Variants in CSGALNACT1 observed in about 807,000 individuals in gnomAD.
The protein encoded by CSGALNACT1 is beta4GalNAcT-1.
A neutral mutation model predicts 51.0 loss-of-function variants in CSGALNACT1; 52 were observed. The observed-to-expected ratio is 1.02, with a 90% CI of 0.82 to 1.29. The LOEUF is 1.29. Among genes scored for constraint, CSGALNACT1 ranks in the 50% most tolerant of loss-of-function variants. The probability of loss-of-function intolerance (pLI) is 0.00; values close to 1 mark genes in which losing one functional copy is unlikely to be tolerated. For synonymous variants in CSGALNACT1, 341 were observed against 254.4 expected (o/e 1.34, Z -3.24); for missense variants, 935 against 679.2 (o/e 1.38, Z -4.19).
At chr8:19,622,896 A>T (rs2053996959) in intron 1 of CSGALNACT1, among the ~76,000 whole-genome samples, 1 of 152,196 alleles carries the variant, frequency 6.6e-6, no homozygotes, top group Non-Finnish European at 1.5e-5. Context: ...TTAAAGGCCA[A>T]TAGATACCCC....
intron 8 of CSGALNACT1, among the ~76,000 whole-genome samples, chr8:19,415,912 G>C (rs752602496): frequency 6.6e-6 from 1 of 152,128 alleles, no homozygotes; most frequent in Non-Finnish European, 1.5e-5. Flanking sequence ...GTAAGCATAA[G>C]CAATTGTAAC....
intron 1 of CSGALNACT1, among the ~76,000 whole-genome samples, chr8:19,687,788 G>T (rs2154213026): frequency 6.6e-6 from 1 of 152,260 alleles, no homozygotes; most frequent in East Asian, 1.9e-4. Context: ...TACAACTGTA[G>T]ATCATGAAGC....
intron 1 of CSGALNACT1, among the ~76,000 whole-genome samples, chr8:19,717,816 G>T (rs989791913): frequency 3.9e-5 from 6 of 152,086 alleles, no homozygotes; most frequent in Non-Finnish European, 8.8e-5. Context: ...TCTTGGCTAG[G>T]CTCAGGCACT....
At chr8:19,631,259 T>TG (rs1198872605) in intron 1 of CSGALNACT1, among the ~76,000 whole-genome samples, 6 of 152,030 alleles carry the variant, frequency 3.9e-5, no homozygotes, top group East Asian at 3.8e-4. Context: ...TGTTTAGCTT[T>TG]GGAAAAAAAA....
Position 19,539,319 on chromosome 8 carries a change from T to C in CSGALNACT1, c.-296-33189A>G, listed in dbSNP as rs141347687. Among the ~76,000 whole-genome samples, 166 of 152,314 alleles carry C rather than the reference T, an allele frequency of 1.1e-3. 1 individual carries two copies. The highest frequency in any genetic ancestry group is 3.9e-3 in the African/African-American group (162 of 41,572). Reference sequence around the variant, plus strand: ...TACATAACTACAAGTGTGTACCTTTTGACCTTCATAGAAAGAAACTATCTG... The same window carrying C: ...TACATAACTACAAGTGTGTACCTTTCGACCTTCATAGAAAGAAACTATCTG... On this transcript the variant is annotated intron_variant, in intron 3 of 9. Coordinates refer to ENST00000454498, the Ensembl canonical transcript of CSGALNACT1.
At chr8:19,441,239 A>G (rs1038799976) in intron 5 of CSGALNACT1, among the ~76,000 whole-genome samples, 3 of 152,216 alleles carry the variant, frequency 2.0e-5, no homozygotes, top group African/African-American at 7.2e-5. Context: ...ATATGGAACC[A>G]AAAAAGAGCC....
chr8:19,427,152 G>C (rs2058894867), intron 6 of CSGALNACT1, among the ~76,000 whole-genome samples: 1 of 152,098 alleles, frequency 6.6e-6, no homozygotes, highest in Non-Finnish European at 1.5e-5. Context: ...GCCTGTTTTA[G>C]CAAGTTTCTT....
intron 3 of CSGALNACT1, among the ~76,000 whole-genome samples, chr8:19,535,859 C>A (rs1587987164): frequency 6.6e-6 from 1 of 152,070 alleles, no homozygotes; most frequent in Non-Finnish European, 1.5e-5. Context: ...TACAATAAAC[C>A]TACAACTAAC....
intron 1 of CSGALNACT1, among the ~76,000 whole-genome samples, chr8:19,625,330 C>T (rs1032887583): frequency 6.6e-6 from 1 of 152,224 alleles, no homozygotes; most frequent in African/African-American, 2.4e-5. Flanking sequence ...AAACTTCATA[C>T]ATGCTGTGTT....
chr8:19,732,199 G>A (rs2063730427), intron 1 of CSGALNACT1, among the ~76,000 whole-genome samples: 2 of 152,190 alleles, frequency 1.3e-5, no homozygotes, highest in East Asian at 1.9e-4. Context: ...CATAACGGTT[G>A]TGTTTCTCCT....
chr8:19,722,733 G>C (rs1332496908), intron 1 of CSGALNACT1, among the ~76,000 whole-genome samples: 2 of 152,224 alleles, frequency 1.3e-5, no homozygotes, highest in Non-Finnish European at 2.9e-5. Context: ...CCCTCGGAGA[G>C]ACTCACATTA....
intron 3 of CSGALNACT1, among the ~76,000 whole-genome samples, chr8:19,537,965 G>C (rs1161885973): frequency 1.3e-5 from 2 of 152,068 alleles, no homozygotes; most frequent in African/African-American, 4.8e-5. Flanking sequence ...TATGGACTGG[G>C]GAAAATATTT....
chr8:19,585,414 AT>A, intron 3 of CSGALNACT1: 1 of 152,334 alleles, frequency 6.6e-6, no homozygotes, highest in South Asian at 2.1e-4. Context: ...CACAACCTTA[AT>A]TCTCTTGCCT....
At chr8:19,463,553 G>C (rs1309591454) in intron 4 of CSGALNACT1, among the ~76,000 whole-genome samples, 3 of 152,206 alleles carry the variant, frequency 2.0e-5, no homozygotes, top group Non-Finnish European at 4.4e-5. Flanking sequence ...AGGCAGGAAT[G>C]GTTTTTCAGC....
intron 1 of CSGALNACT1, among the ~76,000 whole-genome samples, chr8:19,660,753 A>G (rs1265774729): frequency 6.6e-6 from 1 of 152,186 alleles, no homozygotes; most frequent in Non-Finnish European, 1.5e-5. Flanking sequence ...GACATGGTAG[A>G]TGAAAATCAC....
chr8:19,555,003 G>A (rs1450024268), intron 3 of CSGALNACT1, among the ~76,000 whole-genome samples: 2 of 151,744 alleles, frequency 1.3e-5, no homozygotes, highest in African/African-American at 4.9e-5. Flanking sequence ...ATTTAGGGAC[G>A]CCGAGCGGGG....
At chr8:19,747,223 G>T (rs924852024) in intron 1 of CSGALNACT1, among the ~76,000 whole-genome samples, 8 of 151,754 alleles carry the variant, frequency 5.3e-5, no homozygotes, top group Non-Finnish European at 1.0e-4. Context: ...CCTGCAGTTG[G>T]TTCAAGAGGT....
chr8:19,583,926 C>T (rs547640611), intron 3 of CSGALNACT1, among the ~76,000 whole-genome samples: 10 of 152,206 alleles, frequency 6.6e-5, no homozygotes, highest in Non-Finnish European at 1.5e-4. Flanking sequence ...TGAATACTGA[C>T]AGCCATCACT....
chr8:19,407,911 G>GCGCC (rs2054643128), intron 9 of CSGALNACT1, among the ~76,000 whole-genome samples: 1 of 58,432 alleles, frequency 1.7e-5, no homozygotes, highest in African/African-American at 6.0e-5. Flanking sequence ...TGAATTGTGT[G>GCGCC]TGTGTGTGTG....
Sources: gnomAD v4.1 joint callset for allele counts (sites outside exome capture counted in the v4.1 genomes callset) on GRCh38, gnomAD v4.1.1 for gene constraint, MANE v1.5 for transcripts, NCBI Gene and HGNC (gene_info 2026-07-23, HGNC 2026-07-21) for gene names.